Variants in DHX33 observed in about 807,000 individuals in gnomAD.
The protein encoded by DHX33 is DEAH-box helicase 33, also known as ATP-dependent RNA helicase DHX33.
A neutral mutation model predicts 72.5 loss-of-function variants in DHX33; 42 were observed. The observed-to-expected ratio is 0.58, with a 90% CI of 0.45 to 0.75. DHX33 has a LOEUF of 0.75. Ranked by LOEUF, DHX33 falls within the 30% of genes least tolerant of loss-of-function variation. The pLI is 0.00. For synonymous variants in DHX33, 358 were observed against 366.1 expected, an observed-to-expected ratio of 0.98 and a Z score of 0.25; for missense variants, 842 against 917.5, an observed-to-expected ratio of 0.92 and a Z score of 1.06.
rs758631995 is a variant in DHX33 at position 5,468,691 on chromosome 17, G to T, written c.169C>A (p.Gln57Lys). 5.0e-6 allele frequency: 8 copies of T among 1,611,772 alleles called. No homozygotes were observed. In the South Asian group the frequency reaches 8.8e-5, roughly 18 times the overall value. ...GGRRQQPPLA[Q>K]PSASPYPEAV... ...TCAGGGTAGGGACTGGCCGAGGGCT[G>T]GGCCAGGGGCGGCTGCTGCCTCCGG... Residue 57 changes from glutamine to lysine, a missense_variant, in exon 1 of 12, where the codon CAG (glutamine) becomes AAG (lysine). Transcript: ENST00000225296.
intron 4 of DHX33, among the ~76,000 whole-genome samples, chr17:5,456,854 G>C (rs560007888): frequency 1.6e-4 from 24 of 152,330 alleles, no homozygotes; most frequent in African/African-American, 4.1e-4. Context: ...TGGAGAAGGA[G>C]CCTTTAATGA....
rs948798180 is a variant in DHX33, at chr17:5,440,994, T to C, written c.*3211A>G. On this transcript the variant is annotated 3_prime_UTR_variant, in exon 12 of 12. Coordinates refer to ENST00000225296, the MANE Select transcript of DHX33 (RefSeq NM_020162.4). ...TTTACAAGAGCTTTCTGTAGAGTTATTTCTGTTCAAATAAAACCAGACTCT... is the reference window on the plus strand; with the variant it reads ...TTTACAAGAGCTTTCTGTAGAGTTACTTCTGTTCAAATAAAACCAGACTCT... The C allele has an allele frequency of 2.0e-5, 3 of 152,238 alleles. No individual in the cohort carries two copies. Among genetic ancestry groups the C allele is most frequent in the Non-Finnish European group, 4.4e-5 (3 of 68,038 alleles). The allele number at this position is 152,238 out of a possible 1,614,324, so 9.4% of individuals were successfully genotyped here.
chr17:5,464,692 A>C (rs902441888), intron 1 of DHX33, among the ~76,000 whole-genome samples: 1 of 152,248 alleles, frequency 6.6e-6, no homozygotes, highest in African/African-American at 2.4e-5. Context: ...TAATTTACAT[A>C]GTTAAAATAT....
chr17:5,461,306 CTT>C (rs745608193), intron 3 of DHX33, 197 bp from the exon 4 acceptor site: 1,317 of 274,918 alleles, frequency 4.8e-3, no homozygotes, highest in South Asian at 6.5e-3. Context: ...TCCTTTCCTT[CTT>C]TTTTTTTTTT....
At chr17:5,460,680 T>C (rs1249322654) in intron 4 of DHX33, among the ~76,000 whole-genome samples, 2 of 152,044 alleles carry the variant, frequency 1.3e-5, no homozygotes, top group African/African-American at 2.4e-5. Flanking sequence ...CTAATTTTTG[T>C]ATTTTTAGTA....
At chr17:5,462,183 A>C (rs1904668617) in intron 3 of DHX33, 136 bp downstream of exon 3, 1 of 716,500 alleles carries the variant, frequency 1.4e-6, no homozygotes. Flanking sequence ...CAGGTGATCC[A>C]CCGGCCTTGG....
At position 5,455,212 on chromosome 17, in the gene DHX33, T is replaced by C. The variant is rs1482790598; in HGVS notation, c.1095A>G (p.Gly365=). The C allele has an allele frequency of 6.8e-6, 11 of 1,614,080 alleles. No individual in the cohort carries two copies. Among genetic ancestry groups the C allele is most frequent in the African/African-American group, 1.3e-5 (1 of 74,916 alleles). ...TGCCCGTGTCAACTACATATTTTAT[T>C]CCTGTAATGGTTATGGAGGTTTCAG... ...NIAETSITIT[G]IKYVVDTGMV... The change falls in exon 6 of 12, where the codon GGA becomes GGG. Residue 365 remains glycine (G), a synonymous_variant. Coordinates refer to ENST00000225296, the MANE Select transcript of DHX33 (RefSeq NM_020162.4).
intron 1 of DHX33, among the ~76,000 whole-genome samples, chr17:5,467,249 T>G (rs753022859): frequency 2.6e-5 from 4 of 152,190 alleles, no homozygotes; most frequent in African/African-American, 4.8e-5. Flanking sequence ...TTTCAAAGAT[T>G]TTTAACTGAC....
Position 5,460,959 on chromosome 17 carries a change from A to T in DHX33, c.829T>A (p.Ser277Thr). Reference sequence around the variant, plus strand: ...CATACCTGGTGGATCTGGAAGACGGAGACAAGCGCGGCGTGCAGGTAATCA... The same window carrying T: ...CATACCTGGTGGATCTGGAAGACGGTGACAAGCGCGGCGTGCAGGTAATCA... ...QNDYLHAALV[S>T]VFQIHQEAPS... Residue 277 changes from serine (S) to threonine (T), a missense_variant, in exon 4 of 12, where the codon TCC (serine) becomes ACC (threonine). Physicochemically the swap from Ser to Thr is moderately conservative, Grantham distance 58. Coordinates refer to ENST00000225296, the MANE Select transcript of DHX33 (RefSeq NM_020162.4). 6.2e-7 allele frequency: 1 copy of T among 1,613,108 alleles called. No individual in the cohort carries two copies. The highest frequency in any genetic ancestry group is 8.5e-7 in the Non-Finnish European group (1 of 1,179,308).
At chr17:5,448,297 C>G (rs1404750999) in intron 11 of DHX33, among the ~76,000 whole-genome samples, 1 of 152,236 alleles carries the variant, frequency 6.6e-6, no homozygotes, top group Non-Finnish European at 1.5e-5. Flanking sequence ...TGTGTGTGCT[C>G]ACACACAGGC....
At position 5,455,163 on chromosome 17, in the gene DHX33, G is replaced by C; in HGVS notation, c.1144C>G (p.Pro382Ala). ...TTCATGAACTACAAATTCTCACCAG[G>C]GTTATACTTCTTTGCTTTAACCATG... ...TGMVKAKKYN[P>A]DSGLEVLAVQ... The change falls in exon 6 of 12, where the codon CCT becomes GCT. Residue 382 changes from proline (P) to alanine (A), a missense_variant. Physicochemically the swap from Pro to Ala is conservative, Grantham distance 27 (BLOSUM62 -1). Coordinates refer to ENST00000225296, the MANE Select transcript of DHX33 (RefSeq NM_020162.4). 9.9e-6 allele frequency: 16 copies of C among 1,612,382 alleles called. No individual in the cohort carries two copies. The highest frequency in any genetic ancestry group is 1.3e-5 in the Non-Finnish European group (15 of 1,178,496).
At position 5,455,159 on chromosome 17, in the gene DHX33, C is replaced by A; in HGVS notation, c.1147+1G>T. 1 of 1,611,860 alleles carries A rather than the reference C, an allele frequency of 6.2e-7. No homozygotes were observed. The highest frequency in any genetic ancestry group is 8.5e-7 in the Non-Finnish European group (1 of 1,177,986). ...GACATTCATGAACTACAAATTCTCA[C>A]CAGGGTTATACTTCTTTGCTTTAAC... On this transcript the variant is annotated splice_donor_variant, in intron 6 of 11. Transcript: ENST00000225296. LOFTEE classifies it high-confidence loss of function.
At chr17:5,460,855 G>C in intron 4 of DHX33, 84 bp downstream of exon 4, 1 of 1,480,766 alleles carries the variant, frequency 6.8e-7, no homozygotes. Context: ...TTATTCAGTA[G>C]CTTTTCTTTT....
At chr17:5,446,606 C>A (rs1916667133) in intron 11 of DHX33, among the ~76,000 whole-genome samples, 1 of 152,170 alleles carries the variant, frequency 6.6e-6, no homozygotes, top group Non-Finnish European at 1.5e-5. Context: ...GCTGAACAAA[C>A]ACTTCATGAA....
At chr17:5,463,035 C>T (rs1204940237) in intron 2 of DHX33, among the ~76,000 whole-genome samples, 4 of 151,772 alleles carry the variant, frequency 2.6e-5, no homozygotes, top group African/African-American at 7.3e-5. Context: ...GCCAAGATTG[C>T]GCCACTGCAC....
At chr17:5,448,937 C>G (rs764465594) in intron 10 of DHX33, 42 bp from the exon 11 acceptor site, 1 of 1,500,080 alleles carries the variant, frequency 6.7e-7, no homozygotes, top group South Asian at 1.1e-5. Context: ...ACTCATTCAC[C>G]ATTTATATGT....
intron 11 of DHX33, among the ~76,000 whole-genome samples, chr17:5,447,332 A>G (rs1236290257): frequency 1.3e-5 from 2 of 152,194 alleles, no homozygotes; most frequent in African/African-American, 4.8e-5. Context: ...AGCCTGGCCA[A>G]CATAGTGAAA....
At chr17:5,463,153 A>G (rs372917003) in intron 2 of DHX33, among the ~76,000 whole-genome samples, 4 of 152,098 alleles carry the variant, frequency 2.6e-5, no homozygotes, top group African/African-American at 9.6e-5. Flanking sequence ...TGAAATGAGT[A>G]CACACACACA....
At chr17:5,449,459 T>C (rs1052668165) in intron 10 of DHX33, among the ~76,000 whole-genome samples, 1 of 152,120 alleles carries the variant, frequency 6.6e-6, no homozygotes, top group Admixed American at 6.5e-5. Flanking sequence ...TGGAGATAGA[T>C]AGAGTCTCGC....
Sources: allele counts gnomAD v4.1 joint callset (sites outside exome capture counted in the v4.1 genomes callset), GRCh38; gene constraint gnomAD v4.1.1; transcripts MANE v1.5; gene names NCBI Gene and HGNC (gene_info 2026-07-23, HGNC 2026-07-21).